XRRA1: variants seen among roughly 807,000 people sequenced by gnomAD.
The protein encoded by XRRA1 is X-ray radiation resistance-associated protein 1.
A neutral mutation model predicts 80.2 loss-of-function variants in XRRA1; 69 were observed. The observed-to-expected ratio is 0.86, with a 90% CI of 0.71 to 1.05. The LOEUF (loss-of-function observed/expected upper bound fraction) is 1.05, where lower values mean the gene tolerates loss of function less well. XRRA1 is among the 50% of genes least tolerant of loss of function. The pLI is 0.00. For missense variants in XRRA1, 967 were observed against 976.4 expected, an observed-to-expected ratio of 0.99 and a Z score of 0.13; for synonymous variants, 348 against 389.9, an observed-to-expected ratio of 0.89 and a Z score of 1.27.
chr11:74,853,214 A>C (rs558218514), intron 12 of XRRA1, among the ~76,000 whole-genome samples: 1 of 152,340 alleles, frequency 6.6e-6, no homozygotes, highest in African/African-American at 2.4e-5. Context: ...TACCAGGGTC[A>C]TGTGACCTAG....
At chr11:74,923,994 C>T (rs561746847) in intron 7 of XRRA1, among the ~76,000 whole-genome samples, 69 of 151,894 alleles carry the variant, frequency 4.5e-4, no homozygotes, top group African/African-American at 1.6e-3. Context: ...TCCACAGGCA[C>T]GCACCACCAT....
chr11:74,889,730 C>CA (rs1383433520), intron 10 of XRRA1, among the ~76,000 whole-genome samples: 4 of 151,746 alleles, frequency 2.6e-5, no homozygotes, highest in South Asian at 2.1e-4. Flanking sequence ...AAGTGGAAAA[C>CA]AAAAAAAGGC....
chr11:74,943,914 T>C (rs1449218555), intron 2 of XRRA1, among the ~76,000 whole-genome samples: 2 of 152,030 alleles, frequency 1.3e-5, no homozygotes, highest in African/African-American at 4.8e-5. Context: ...CTCAACCTCC[T>C]GGGCTCAAAC....
In XRRA1 at chr11:74,942,006, G is replaced by A. The variant is rs568446771; in HGVS notation, c.-4-1124C>T. On this transcript the variant is annotated intron_variant, in intron 2 of 18. Coordinates refer to ENST00000684022, the MANE Select transcript of XRRA1 (RefSeq NM_001378157.1). ...TACATGCCTGTGGTCCCAGCTACTT[G>A]GGAGGCTGAAGTGGGAGGACTGCTT... is the stretch of plus-strand genomic sequence containing the variant. 9.1e-3 allele frequency among the ~76,000 whole-genome samples: 1,383 copies of A among 152,208 alleles called. 16 individuals are homozygous for A. The highest frequency in any genetic ancestry group is 0.014 in the Non-Finnish European group (938 of 68,002).
At chr11:74,863,163 A>G in intron 10 of XRRA1, 142 bp from the exon 11 acceptor site, 1 of 755,820 alleles carries the variant, frequency 1.3e-6, no homozygotes. Context: ...CCCCAGTGCT[A>G]ACTAGGAAGA....
Position 74,843,254 on chromosome 11 carries a change from G to A in XRRA1, c.2349C>T (p.Leu783=), listed in dbSNP as rs576393577. 4.5e-6 allele frequency: 7 copies of A among 1,570,120 alleles called. No homozygotes were observed. Among genetic ancestry groups the A allele is most frequent in the South Asian group, 1.2e-5 (1 of 85,216 alleles). Residue 783 remains leucine, a synonymous_variant, in exon 19 of 19, where the codon CTC becomes CTT. Coordinates refer to ENST00000684022, the MANE Select transcript of XRRA1 (RefSeq NM_001378157.1). ...CCTGGCAGAACTCATCCATGAACTC[G>A]AGGAAGTGGCCGAACTTGGGCTGGC... ...SESQPKFGHF[L]EFMDEFCQEP...
chr11:74,865,657 T>C (rs1401153768), intron 10 of XRRA1, among the ~76,000 whole-genome samples: 3 of 152,214 alleles, frequency 2.0e-5, no homozygotes, highest in African/African-American at 7.2e-5. Flanking sequence ...GCCAATGAGA[T>C]GGACCACCAG....
At position 74,882,583 on chromosome 11, in the gene XRRA1, G is replaced by A. The variant is rs560650369; in HGVS notation, c.1004-19562C>T. Among the ~76,000 whole-genome samples, 57 of 151,788 alleles carry A rather than the reference G, an allele frequency of 3.8e-4. No homozygotes were observed. The East Asian group carries it at 5.2e-3, about 14-fold the overall frequency. On this transcript the variant is annotated intron_variant, in intron 10 of 18. Transcript: ENST00000684022. ...TGCGTTCCTTTGGAGGAGGAGAGGCGCTCTGCTTTTTAGAGTTTCCAGTTT... is the reference window on the plus strand; with the variant it reads ...TGCGTTCCTTTGGAGGAGGAGAGGCACTCTGCTTTTTAGAGTTTCCAGTTT...
chr11:74,918,594 C>G (rs891826786), intron 8 of XRRA1, among the ~76,000 whole-genome samples: 1 of 152,110 alleles, frequency 6.6e-6, no homozygotes, highest in Non-Finnish European at 1.5e-5. Context: ...AGGAGGGTAG[C>G]TATTGGGGTT....
At chr11:74,936,591 G>A (rs930537851) in intron 4 of XRRA1, among the ~76,000 whole-genome samples, 2 of 152,210 alleles carry the variant, frequency 1.3e-5, no homozygotes, top group African/African-American at 4.8e-5. Context: ...TACTAGCTGT[G>A]GAACCTCAGC....
chr11:74,920,963 C>T (rs182182479), intron 8 of XRRA1, among the ~76,000 whole-genome samples: 2 of 152,272 alleles, frequency 1.3e-5, no homozygotes, highest in Admixed American at 6.5e-5. Context: ...GGAGAATTGT[C>T]TGGCAAGACA....
At chr11:74,918,140 A>G (rs980067242) in intron 8 of XRRA1, among the ~76,000 whole-genome samples, 3 of 152,186 alleles carry the variant, frequency 2.0e-5, no homozygotes, top group South Asian at 2.1e-4. Flanking sequence ...ACATCAGTTA[A>G]AGAACCCCAA....
At chr11:74,845,325 A>T (rs989216812) in intron 15 of XRRA1, 54 bp from the exon 16 acceptor site, 1 of 1,531,184 alleles carries the variant, frequency 6.5e-7, no homozygotes, top group Non-Finnish European at 8.9e-7. Context: ...CATTCATTCC[A>T]TGAACATTCG....
chr11:74,890,163 T>C (rs531896516), intron 10 of XRRA1, among the ~76,000 whole-genome samples: 33 of 152,304 alleles, frequency 2.2e-4, no homozygotes, highest in Admixed American at 9.2e-4. Context: ...AAAGCACTCA[T>C]CAGCAAATGT....
At chr11:74,849,385 A>T (rs1055388430) in intron 14 of XRRA1, among the ~76,000 whole-genome samples, 1 of 152,230 alleles carries the variant, frequency 6.6e-6, no homozygotes, top group African/African-American at 2.4e-5. Context: ...AGGGCGAAGG[A>T]TGACTTTTAT....
chr11:74,890,694 G>A (rs1297473315), intron 10 of XRRA1, among the ~76,000 whole-genome samples: 1 of 152,184 alleles, frequency 6.6e-6, no homozygotes, highest in Non-Finnish European at 1.5e-5. Context: ...GAATCAAATA[G>A]ATGCAATAAA....
chr11:74,857,348 T>C (rs2041351154), intron 12 of XRRA1, among the ~76,000 whole-genome samples: 1 of 150,088 alleles, frequency 6.7e-6, no homozygotes, highest in Non-Finnish European at 1.5e-5. Flanking sequence ...GCAAACAAAA[T>C]AAGACATCAA....
At position 74,843,369 on chromosome 11, in the gene XRRA1, T is replaced by G; in HGVS notation, c.2234A>C (p.Gln745Pro). The change falls in exon 19 of 19, where the codon CAG (glutamine) becomes CCG (proline). Residue 745 changes from glutamine to proline, a missense_variant. Coordinates refer to ENST00000684022, the MANE Select transcript of XRRA1 (RefSeq NM_001378157.1). ...LEAKRLLKEFQARYRQLVSGS... is the reference protein window; with the variant it reads ...LEAKRLLKEFPARYRQLVSGS... ...ACTCACCAGCTGCCGGTAACGTGCC[T>G]GGAACTCCTTCAACAGCCTCTTGGC... 6 of 1,611,968 alleles carry G rather than the reference T, an allele frequency of 3.7e-6. No homozygotes were observed. Among genetic ancestry groups the G allele is most frequent in the Non-Finnish European group, 4.2e-6 (5 of 1,179,094 alleles).
chr11:74,895,036 C>T (rs1053785592), intron 10 of XRRA1, among the ~76,000 whole-genome samples: 4 of 152,162 alleles, frequency 2.6e-5, no homozygotes, highest in East Asian at 1.9e-4. Flanking sequence ...TTTGTCCCCC[C>T]GTCCCCTAAA....
Sources: gnomAD v4.1 joint callset for allele counts (sites outside exome capture counted in the v4.1 genomes callset) on GRCh38, gnomAD v4.1.1 for gene constraint, MANE v1.5 for transcripts, NCBI Gene and HGNC (gene_info 2026-07-23, HGNC 2026-07-21) for gene names.